The following CEMIP variants were observed in gnomAD, a reference collection of about 807,000 sequenced individuals.
CEMIP encodes the protein cell migration-inducing and hyaluronan-binding protein.
In CEMIP, 105 loss-of-function variants were observed where a neutral mutation model predicts 156.9. That is an observed-to-expected ratio of 0.67 (90% confidence interval 0.57 to 0.79). The LOEUF (loss-of-function observed/expected upper bound fraction) is 0.79. Among genes scored for constraint, CEMIP ranks in the 30% least tolerant of loss-of-function variants. The pLI is 0.00. For missense variants in CEMIP, 1,457 were observed against 1,769.4 expected (o/e 0.82, Z 3.17); for synonymous variants, 676 against 668.4 (o/e 1.01, Z -0.17).
chr15:80,832,647 T>G (rs1897182257), intron 1 of CEMIP, among the ~76,000 whole-genome samples: 1 of 152,188 alleles, frequency 6.6e-6, no homozygotes, highest in African/African-American at 2.4e-5. Context: ...TGGCAGCTCA[T>G]GAGTCAGATG....
chr15:80,838,946 G>A (rs1030241322), intron 1 of CEMIP, among the ~76,000 whole-genome samples: 63 of 152,258 alleles, frequency 4.1e-4, no homozygotes, highest in Non-Finnish European at 3.4e-4. Context: ...AAAGCGCTCC[G>A]TGCATGTTTG....
intron 27 of CEMIP, 59 bp downstream of exon 27, chr15:80,942,396 C>T (rs1901377306): frequency 7.0e-7 from 1 of 1,421,966 alleles, no homozygotes; most frequent in Non-Finnish European, 9.9e-7. Flanking sequence ...GATACTGTGT[C>T]CTGCGGCTGC....
chr15:80,931,797 T>C (rs1229408882), intron 21 of CEMIP, 62 bp from the exon 22 acceptor site: 17 of 1,546,572 alleles, frequency 1.1e-5, no homozygotes, highest in Middle Eastern at 1.7e-4. Context: ...GACGTCTTAC[T>C]TCCTTAACTC....
At chr15:80,856,020 C>T (rs1190029037) in intron 1 of CEMIP, among the ~76,000 whole-genome samples, 3 of 152,346 alleles carry the variant, frequency 2.0e-5, no homozygotes, top group Admixed American at 6.5e-5. Context: ...CAAAGGTCTA[C>T]ATACTGGATC....
intron 1 of CEMIP, among the ~76,000 whole-genome samples, chr15:80,849,939 T>C (rs1897672758): frequency 6.6e-6 from 1 of 152,080 alleles, no homozygotes; most frequent in Non-Finnish European, 1.5e-5. Context: ...TGTGATGAGT[T>C]AGGTAAGGGC....
chr15:80,788,162 T>C (rs1424204546), intron 1 of CEMIP, among the ~76,000 whole-genome samples: 1 of 151,760 alleles, frequency 6.6e-6, no homozygotes, highest in East Asian at 1.9e-4. Flanking sequence ...CTAGTTTGGG[T>C]GAACCATTAA....
chr15:80,799,422 C>T (rs1249555647), intron 1 of CEMIP, among the ~76,000 whole-genome samples: 1 of 152,124 alleles, frequency 6.6e-6, no homozygotes, highest in Non-Finnish European at 1.5e-5. Flanking sequence ...CACTTGTGGC[C>T]CAGGCTAGGG....
Position 80,878,815 on chromosome 15 carries a change from A to G in CEMIP, c.189A>G (p.Thr63=). The G allele has an allele frequency of 6.2e-7, 1 of 1,614,212 alleles. No homozygotes were observed. The highest frequency in any genetic ancestry group is 8.5e-7 in the Non-Finnish European group (1 of 1,180,034). ...DHHVHIGQGK[T]LLLTSSATVY... ...ATGTGCATATCGGCCAGGGCAAGAC[A>G]CTGCTGCTCACCTCTTCTGCCACGG... The change falls in exon 4 of 30, where the codon ACA becomes ACG. Residue 63 remains threonine (T), a synonymous_variant. Transcript: ENST00000394685.
chr15:80,925,892 G>A, intron 19 of CEMIP, 137 bp downstream of exon 19: 1 of 1,315,530 alleles, frequency 7.6e-7, no homozygotes, highest in Non-Finnish European at 1.0e-6. Context: ...CCCCCAGCCA[G>A]GCAGGGGCAT....
At chr15:80,832,541 G>A (rs1163093394) in intron 1 of CEMIP, among the ~76,000 whole-genome samples, 1 of 152,122 alleles carries the variant, frequency 6.6e-6, no homozygotes, top group African/African-American at 2.4e-5. Context: ...ATCGGAATGA[G>A]TTTTGGGGGT....
chr15:80,793,324 G>A (rs1392861501), intron 1 of CEMIP, among the ~76,000 whole-genome samples: 1 of 152,126 alleles, frequency 6.6e-6, no homozygotes, highest in African/African-American at 2.4e-5. Flanking sequence ...TTAGACCAAC[G>A]CCCTCAAAGT....
chr15:80,873,800 G>A (rs1040434646), intron 2 of CEMIP, 64 bp from the exon 3 acceptor site: 75 of 1,154,532 alleles, frequency 6.5e-5, no homozygotes, highest in African/African-American at 3.4e-4. Context: ...TCTCCATGTC[G>A]GCCCTGTATA....
chr15:80,906,572 A>C lies in CEMIP; in HGVS notation c.1412-91A>C. The C allele has an allele frequency of 7.7e-7, 1 of 1,305,532 alleles. No individual in the cohort carries two copies. The highest frequency in any genetic ancestry group is 1.4e-5 in the South Asian group (1 of 73,960). 80.9% of individuals were successfully genotyped at this position (1,305,532 alleles called of 1,614,324 possible). A position where few individuals can be genotyped will look rare whatever the true frequency, so the allele number is the denominator to read the frequency against. On this transcript the variant is annotated intron_variant, in intron 12 of 29. Coordinates refer to ENST00000394685, the MANE Select transcript of CEMIP (RefSeq NM_001293298.2). This position sits in a 1 kb window ranked among gnomAD's most constrained non-coding sequence, Gnocchi z 4.3. The stretch of plus-strand genomic sequence containing the variant: ...TGCACACCAGGCATGGCGATGAGTA[A>C]GCAGCAGCCATGGAGGCACCTGGCA...
chr15:80,793,822 A>G (rs1383700620), intron 1 of CEMIP, among the ~76,000 whole-genome samples: 3 of 152,130 alleles, frequency 2.0e-5, no homozygotes, highest in Non-Finnish European at 4.4e-5. Flanking sequence ...TGTGGGACCT[A>G]TGTTGGGGAA....
At chr15:80,945,707 A>G (rs2141754724) in intron 28 of CEMIP, among the ~76,000 whole-genome samples, 1 of 152,280 alleles carries the variant, frequency 6.6e-6, no homozygotes, top group Non-Finnish European at 1.5e-5. Flanking sequence ...CAGTTTTTCC[A>G]TGTCTGGACT....
At chr15:80,869,402 G>A (rs1310448490) in intron 1 of CEMIP, among the ~76,000 whole-genome samples, 1 of 152,166 alleles carries the variant, frequency 6.6e-6, no homozygotes, top group Non-Finnish European at 1.5e-5. Context: ...ACAAGGGTGT[G>A]GTTGATTCCA....
In CEMIP at chr15:80,936,195, C is replaced by G. The variant is rs150869008; in HGVS notation, c.3010-479C>G. Among the ~76,000 whole-genome samples the G allele has an allele frequency of 2.6e-5, 4 of 152,358 alleles. No homozygotes were observed. The East Asian group carries it at 7.7e-4, about 29-fold the overall frequency. On this transcript the variant is annotated intron_variant, in intron 23 of 29. Transcript: ENST00000394685. The stretch of plus-strand genomic sequence containing the variant: ...CACCACAAGGACTGGCCTCAGGGGC[C>G]AGACACTGAGAGGGAGTAGGAGGGA...
At chr15:80,891,198 T>C (rs542542135) in intron 10 of CEMIP, among the ~76,000 whole-genome samples, 1 of 152,334 alleles carries the variant, frequency 6.6e-6, no homozygotes, top group East Asian at 1.9e-4. Context: ...TTCCTGGTGT[T>C]TGCTCTGCCA....
At chr15:80,928,850 C>G (rs891384247) in intron 19 of CEMIP, 52 bp from the exon 20 acceptor site, 2 of 1,611,030 alleles carry the variant, frequency 1.2e-6, no homozygotes, top group African/African-American at 2.7e-5. Flanking sequence ...CACGACTCCA[C>G]TGAATGTGAA....
Sources: allele counts gnomAD v4.1 joint callset (sites outside exome capture counted in the v4.1 genomes callset), GRCh38; gene constraint gnomAD v4.1.1; non-coding constraint Gnocchi (gnomAD v3.1); transcripts MANE v1.5; gene names NCBI Gene and HGNC (gene_info 2026-07-23, HGNC 2026-07-21).